OPRM1: variants seen among roughly 807,000 people sequenced by gnomAD.
OPRM1 encodes the protein mu-type opioid receptor.
Under a neutral mutation model 31.8 loss-of-function variants are expected in OPRM1, and 27 were observed. The observed-to-expected ratio is 0.85, with a 90% CI of 0.63 to 1.17. The LOEUF (loss-of-function observed/expected upper bound fraction) is 1.17. OPRM1 is among the 50% of genes most tolerant of loss of function. The pLI, the probability that OPRM1 is intolerant of heterozygous loss-of-function variation, is 0.00. For missense variants in OPRM1, 536 were observed against 511.1 expected, an observed-to-expected ratio of 1.05 and a Z score of -0.47; for synonymous variants, 196 against 189.9, an observed-to-expected ratio of 1.03 and a Z score of -0.26.
intron 3 of OPRM1, chr6:154,199,607 C>G (rs7341264): frequency 0.12 from 178,266 of 1,441,842 alleles, 12,746 homozygotes; most frequent in African/African-American, 0.26. Flanking sequence ...ATTAATATTA[C>G]AGTTCCATAT....
chr6:154,107,377 G>T, intron 3 of OPRM1: 2 of 680,484 alleles, frequency 2.9e-6, no homozygotes, highest in Non-Finnish European at 2.7e-6. Flanking sequence ...TTGGTGCTTA[G>T]AGAAAGGAAA....
rs768775870 is a variant in OPRM1 at position 154,091,088 on chromosome 6, C to A, written c.780C>A (p.Arg260=). ...TGTGCTATGGACTGATGATCTTGCG[C>A]CTCAAGAGTGTCCGCATGCTCTCTG... is the stretch of plus-strand genomic sequence containing the variant. The part of the protein sequence containing the change: ...ITVCYGLMIL[R]LKSVRMLSGS... Residue 260 remains arginine (R), a synonymous_variant, in exon 3 of 4, where the codon CGC becomes CGA. Transcript: ENST00000330432. The A allele has an allele frequency of 1.5e-5, 24 of 1,614,026 alleles. No individual in the cohort carries two copies. The highest frequency in any genetic ancestry group is 3.3e-5 in the South Asian group (3 of 91,076).
Position 154,119,348 on chromosome 6 carries a change from G to A in OPRM1, c.*627G>A. On this transcript the variant is annotated 3_prime_UTR_variant, in exon 4 of 4. Transcript: ENST00000330432. Reference sequence around the variant, plus strand: ...AAGAGATTAGCATGAAAGGTAATCTGAAACACAGTCATGTGTCAGCTGTAG... The same window carrying A: ...AAGAGATTAGCATGAAAGGTAATCTAAAACACAGTCATGTGTCAGCTGTAG... The A allele has an allele frequency of 1.0e-6, 1 of 985,238 alleles. No homozygotes were observed. The highest frequency in any genetic ancestry group is 1.2e-6 in the Non-Finnish European group (1 of 829,748). 61.0% of individuals were successfully genotyped at this position (985,238 alleles called of 1,614,324 possible).
At chr6:154,216,524 T>A (rs1195801968) in intron 3 of OPRM1, among the ~76,000 whole-genome samples, 4 of 152,206 alleles carry the variant, frequency 2.6e-5, no homozygotes, top group Non-Finnish European at 5.9e-5. Flanking sequence ...TGTTTTTGTA[T>A]GTGCATGAAT....
At chr6:154,221,234 G>A (rs774616587) in intron 3 of OPRM1, 4 of 1,594,034 alleles carry the variant, frequency 2.5e-6, no homozygotes, top group Middle Eastern at 3.3e-4. Flanking sequence ...TAAGGATGGG[G>A]TTTACCAGTT....
intron 3 of OPRM1, among the ~76,000 whole-genome samples, chr6:154,095,012 C>A (rs552891484): frequency 6.6e-6 from 1 of 152,336 alleles, no homozygotes; most frequent in South Asian, 2.1e-4. Flanking sequence ...GTACTTCTGG[C>A]CAGGCACAGT....
At chr6:154,242,084 TATTATGAGA>T (rs1356624054) in intron 3 of OPRM1, among the ~76,000 whole-genome samples, 2 of 152,234 alleles carry the variant, frequency 1.3e-5, no homozygotes, top group African/African-American at 4.8e-5. Flanking sequence ...CTTGCTCGGC[TATTATGAGA>T]ATTCAATATA....
intron 3 of OPRM1, among the ~76,000 whole-genome samples, chr6:154,192,984 G>C (rs529054188): frequency 2.0e-5 from 3 of 152,262 alleles, no homozygotes; most frequent in African/African-American, 7.2e-5. Context: ...ACTAAAAGCA[G>C]AACTACAATT....
intron 3 of OPRM1, chr6:154,108,072 C>A (rs1464958165): frequency 3.1e-6 from 2 of 651,020 alleles, no homozygotes; most frequent in Admixed American, 2.3e-5. Flanking sequence ...TGCCAGCATG[C>A]CAGGCTTCTG....
intron 3 of OPRM1, among the ~76,000 whole-genome samples, chr6:154,240,785 C>G (rs935295870): frequency 2.0e-5 from 3 of 152,192 alleles, no homozygotes; most frequent in African/African-American, 7.2e-5. Context: ...CTTCAATCCC[C>G]AAACATGCAA....
At chr6:154,232,671 A>C (rs1779812629) in intron 3 of OPRM1, among the ~76,000 whole-genome samples, 1 of 152,216 alleles carries the variant, frequency 6.6e-6, no homozygotes, top group South Asian at 2.1e-4. Context: ...CACAGAAAAA[A>C]ACAACCCTGG....
intron 3 of OPRM1, among the ~76,000 whole-genome samples, chr6:154,195,606 T>C (rs1168835735): frequency 2.0e-5 from 3 of 152,132 alleles, no homozygotes; most frequent in Admixed American, 1.3e-4. Flanking sequence ...CATGTACATA[T>C]CTTGCCACTT....
At chr6:154,184,505 C>T (rs1232400298) in intron 3 of OPRM1, among the ~76,000 whole-genome samples, 1 of 151,648 alleles carries the variant, frequency 6.6e-6, no homozygotes, top group African/African-American at 2.4e-5. Context: ...TTTTAAAAGA[C>T]CAATGGTATA....
chr6:154,188,637 A>G (rs1362489750), intron 3 of OPRM1, among the ~76,000 whole-genome samples: 2 of 152,230 alleles, frequency 1.3e-5, no homozygotes, highest in Admixed American at 1.3e-4. Context: ...TTTAAAACTT[A>G]TTTTGTAAAA....
intron 3 of OPRM1, among the ~76,000 whole-genome samples, chr6:154,147,575 A>G (rs148595158): frequency 4.6e-5 from 7 of 152,314 alleles, no homozygotes; most frequent in Admixed American, 4.6e-4. Flanking sequence ...GCATACCAAG[A>G]GACACCCTAA....
chr6:154,090,061 A>G lies in OPRM1; in HGVS notation c.526A>G (p.Lys176Glu). Residue 176 changes from lysine (K) to glutamate (E), a missense_variant, in exon 2 of 4, where the codon AAG becomes GAG. Transcript: ENST00000330432. ...ATACATTGCAGTCTGCCACCCTGTC[A>G]AGGCCTTAGATTTCCGTACTCCCCG... ...DRYIAVCHPV[K>E]ALDFRTPRNA... The G allele has an allele frequency of 6.2e-7, 1 of 1,614,076 alleles. No homozygotes were observed.
intron 3 of OPRM1, among the ~76,000 whole-genome samples, chr6:154,097,875 A>G (rs1793675746): frequency 6.6e-6 from 1 of 152,090 alleles, no homozygotes; most frequent in Non-Finnish European, 1.5e-5. Context: ...TGTAACCTCT[A>G]CTCTATAGTT....
At chr6:154,039,934 AAG>A (rs1199518974) in intron 1 of OPRM1, 100 bp downstream of exon 1, 3 of 1,119,320 alleles carry the variant, frequency 2.7e-6, no homozygotes, top group Admixed American at 5.4e-5. Flanking sequence ...GGGAGGATGA[AAG>A]AGGGGAGGTA....
intron 3 of OPRM1, among the ~76,000 whole-genome samples, chr6:154,192,581 A>C (rs1409761619): frequency 6.6e-6 from 1 of 152,184 alleles, no homozygotes; most frequent in East Asian, 1.9e-4. Flanking sequence ...AGCAACCCAG[A>C]GAGTGGGAGA....
Sources: allele counts gnomAD v4.1 joint callset (sites outside exome capture counted in the v4.1 genomes callset), GRCh38; gene constraint gnomAD v4.1.1; transcripts MANE v1.5; gene names NCBI Gene and HGNC (gene_info 2026-07-23, HGNC 2026-07-21).